Variants in CDKL4 observed in about 807,000 individuals in gnomAD.
CDKL4 encodes the protein cyclin dependent kinase like 4.
CDKL4 carries 44 observed loss-of-function variants against 42.0 expected under a neutral mutation model. The observed-to-expected ratio is 1.05, with a 90% CI of 0.82 to 1.35. CDKL4 has a LOEUF of 1.35. Ranked by LOEUF, CDKL4 falls within the 40% of genes most tolerant of loss-of-function variation. The pLI is 0.00. For missense variants in CDKL4, 393 were observed against 369.9 expected, an observed-to-expected ratio of 1.06 and a Z score of -0.51; for synonymous variants, 120 against 121.6, an observed-to-expected ratio of 0.99 and a Z score of 0.09.
chr2:39,225,229 G>A (rs902853392), intron 3 of CDKL4, among the ~76,000 whole-genome samples: 17 of 151,820 alleles, frequency 1.1e-4, no homozygotes, highest in East Asian at 3.9e-4. Flanking sequence ...GTGAAACCCC[G>A]TCTCTACTAA....
At chr2:39,201,480 G>A (rs1346961611) in intron 5 of CDKL4, among the ~76,000 whole-genome samples, 12 of 152,006 alleles carry the variant, frequency 7.9e-5, no homozygotes, top group Non-Finnish European at 1.8e-4. Flanking sequence ...TATCTACCGA[G>A]AGGAAAAGAA....
intron 6 of CDKL4, among the ~76,000 whole-genome samples, chr2:39,188,132 G>T (rs114145064): frequency 6.6e-6 from 1 of 152,110 alleles, no homozygotes; most frequent in African/African-American, 2.4e-5. Context: ...TGAAGTGCAG[G>T]TGTGAAAGAA....
At chr2:39,175,792 T>C (rs925820585) in exon 10 of CDKL4, 29 of 299,772 alleles carry the variant, frequency 9.7e-5, no homozygotes, top group African/African-American at 6.2e-4. Context: ...TTAGGCTTTA[T>C]AACATTTAAA....
intron 3 of CDKL4, among the ~76,000 whole-genome samples, chr2:39,216,634 T>C (rs1006291172): frequency 1.3e-5 from 2 of 151,914 alleles, no homozygotes; most frequent in Non-Finnish European, 2.9e-5. Context: ...GGAAGGGAAA[T>C]GGATTTCAGT....
Position 39,190,519 on chromosome 2 carries a change from C to G in CDKL4, c.455-17G>C, listed in dbSNP as rs1676121947. 1.2e-6 allele frequency: 2 copies of G among 1,612,402 alleles called. No individual in the cohort carries two copies. Among genetic ancestry groups the G allele is most frequent in the African/African-American group, 1.3e-5 (1 of 74,986 alleles). On this transcript the variant is annotated splice_polypyrimidine_tract_variant and intron_variant, in intron 5 of 9. Coordinates refer to ENST00000451199, the Ensembl canonical transcript of CDKL4. ...CTCCTGGAACTGCAAATGCATCAAT[C>G]AGATCAGGTAAGTCAATTCTCCCAA... is the stretch of plus-strand genomic sequence containing the variant.
chr2:39,194,376 A>G (rs1011265137), intron 5 of CDKL4, among the ~76,000 whole-genome samples: 1 of 152,196 alleles, frequency 6.6e-6, no homozygotes, highest in Non-Finnish European at 1.5e-5. Flanking sequence ...TGGGAGGCTG[A>G]GGTGGGAGGA....
At chr2:39,188,977 T>C (rs1315317599) in intron 6 of CDKL4, among the ~76,000 whole-genome samples, 1 of 152,182 alleles carries the variant, frequency 6.6e-6, no homozygotes, top group East Asian at 1.9e-4. Context: ...TAATAACTTG[T>C]CCAAGATCAC....
intron 5 of CDKL4, among the ~76,000 whole-genome samples, chr2:39,192,074 T>C (rs1325100873): frequency 6.6e-6 from 1 of 152,224 alleles, no homozygotes; most frequent in Non-Finnish European, 1.5e-5. Context: ...TATAAACTTT[T>C]GAAGGATAAA....
chr2:39,244,175 C>G (rs148621995), upstream of CDKL4, among the ~76,000 whole-genome samples: 1,077 of 152,370 alleles, frequency 7.1e-3, 15 homozygotes, highest in African/African-American at 0.021. Flanking sequence ...ACTTTGGCGG[C>G]ACTTGAGGAG....
chr2:39,186,583 G>A (rs1220965694), intron 7 of CDKL4, among the ~76,000 whole-genome samples: 1 of 152,130 alleles, frequency 6.6e-6, no homozygotes, highest in African/African-American at 2.4e-5. Flanking sequence ...TCAAATAAAG[G>A]CAAAGACCAT....
chr2:39,226,441 T>TATATTATATATATATTATAA (rs2148385709), intron 2 of CDKL4, among the ~76,000 whole-genome samples: 1 of 136,924 alleles, frequency 7.3e-6, no homozygotes, highest in Admixed American at 7.7e-5. Context: ...ATAAATTATA[T>TATATTATATATATATTATAA]ATATTATATA....
At chr2:39,220,990 T>TTTG (rs1678299885) in intron 3 of CDKL4, among the ~76,000 whole-genome samples, 1 of 45,192 alleles carries the variant, frequency 2.2e-5, no homozygotes, top group Non-Finnish European at 9.8e-5. Flanking sequence ...TTTTTTTTTT[T>TTTG]TTTTTTTTTT....
chr2:39,184,457 T>C, intron 8 of CDKL4, 134 bp downstream of exon 8: 4 of 602,906 alleles, frequency 6.6e-6, no homozygotes, highest in Non-Finnish European at 1.2e-5. Flanking sequence ...GGAATTGTTT[T>C]ACAGTTCTTT....
Position 39,219,955 on chromosome 2 carries a change from T to A in CDKL4, c.290+5884A>T, listed in dbSNP as rs557048241. 7.9e-5 allele frequency among the ~76,000 whole-genome samples: 12 copies of A among 152,290 alleles called. 1 individual carries two copies. In the South Asian group the frequency reaches 2.5e-3, roughly 32 times the overall value. ...AGTTAGGACGTCAGGCATTTTGATA[T>A]CGACCCTAAAAGAACCCCTTACTTC... is the stretch of plus-strand genomic sequence containing the variant. On this transcript the variant is annotated intron_variant, in intron 3 of 9. Transcript: ENST00000451199.
chr2:39,172,855 T>C (rs1326223677), downstream of CDKL4, among the ~76,000 whole-genome samples: 3 of 152,222 alleles, frequency 2.0e-5, no homozygotes, highest in Non-Finnish European at 2.9e-5. Flanking sequence ...GTGCTGGGAT[T>C]ACAGGCATGA....
chr2:39,190,475 A>G, exon 6 of CDKL4: 1 of 1,614,116 alleles, frequency 6.2e-7, no homozygotes, highest in South Asian at 1.1e-5. Flanking sequence ...TCTCGTAGCT[A>G]CATAATCGGT....
intron 1 of CDKL4, 132 bp from the exon 2 acceptor site, chr2:39,229,720 T>C: frequency 2.2e-6 from 1 of 455,142 alleles, no homozygotes; most frequent in African/African-American, 2.0e-5. Context: ...TAAAAATATT[T>C]GGATATTATT....
the CDKL4 span, among the ~76,000 whole-genome samples, chr2:39,168,785 TCTCA>T: frequency 6.6e-6 from 1 of 150,770 alleles, no homozygotes; most frequent in Non-Finnish European, 1.5e-5. Flanking sequence ...TGAGACACAG[TCTCA>T]CTCTGTTGCC....
chr2:39,242,626 G>C lies in CDKL4; in HGVS notation c.-57+1245C>G, dbSNP rs567490559. On this transcript the variant is annotated intron_variant, in intron 1 of 9. Transcript: ENST00000451199. ...CAGAAACAGAATAGACTTGGAGGTAGGTTATTTTCCATGATTGTATCACAA... is the reference window on the plus strand; with the variant it reads ...CAGAAACAGAATAGACTTGGAGGTACGTTATTTTCCATGATTGTATCACAA... Among the ~76,000 whole-genome samples, 61 of 152,226 alleles carry C rather than the reference G, an allele frequency of 4.0e-4. No homozygotes were observed. In the East Asian group the frequency reaches 0.011, roughly 28 times the overall value.
Sources: allele counts gnomAD v4.1 joint callset (sites outside exome capture counted in the v4.1 genomes callset), GRCh38; gene constraint gnomAD v4.1.1; transcripts MANE v1.5; gene names NCBI Gene and HGNC (gene_info 2026-07-23, HGNC 2026-07-21).